The following ERI2 variants were observed in gnomAD, a reference collection of about 807,000 sequenced individuals.
ERI2 encodes ERI1 exoribonuclease 2.
In ERI2, 35 loss-of-function variants were observed where a neutral mutation model predicts 46.8. The ratio of observed to expected loss-of-function variants is 0.75; its 90% CI spans 0.57 to 0.99. ERI2 has a LOEUF of 0.99. Ranked by LOEUF, ERI2 falls within the 50% of genes least tolerant of loss-of-function variation. ERI2 has a pLI of 0.00. For synonymous variants in ERI2, 224 were observed against 271.0 expected, an observed-to-expected ratio of 0.83 and a Z score of 1.70; for missense variants, 695 against 796.2, an observed-to-expected ratio of 0.87 and a Z score of 1.53.
intron 4 of ERI2, 89 bp from the exon 5 acceptor site, chr16:20,801,448 T>C: frequency 1.5e-6 from 2 of 1,370,580 alleles, no homozygotes; most frequent in South Asian, 1.7e-5. Flanking sequence ...GATTAATGGT[T>C]TTAAAAGAAT....
intron 10 of ERI2, among the ~76,000 whole-genome samples, chr16:20,787,877 C>G (rs2080508102): frequency 6.6e-6 from 1 of 152,170 alleles, no homozygotes; most frequent in African/African-American, 2.4e-5. Flanking sequence ...GGTTTTAGCA[C>G]TTAAGGCAAT....
chr16:20,800,509 A>G, intron 5 of ERI2, 107 bp from the exon 6 acceptor site: 1 of 605,442 alleles, frequency 1.7e-6, no homozygotes. Flanking sequence ...AAAATAGAAC[A>G]GTATGATTTC....
intron 10 of ERI2, among the ~76,000 whole-genome samples, chr16:20,781,969 C>A (rs547166655): frequency 6.6e-6 from 1 of 152,234 alleles, no homozygotes; most frequent in East Asian, 1.9e-4. Context: ...GTGACCAGGG[C>A]AAGATCCCCC....
chr16:20,804,574 G>A (rs2080831804), intron 1 of ERI2, among the ~76,000 whole-genome samples: 1 of 152,156 alleles, frequency 6.6e-6, no homozygotes, highest in African/African-American at 2.4e-5. Flanking sequence ...GCTAAGGTGG[G>A]AGGATTGCTT....
chr16:20,787,506 G>GC (rs1386636357), intron 10 of ERI2, among the ~76,000 whole-genome samples: 1 of 152,116 alleles, frequency 6.6e-6, no homozygotes, highest in Non-Finnish European at 1.5e-5. Flanking sequence ...TAATTCTCAG[G>GC]CCCCTGGAGA....
At position 20,803,447 on chromosome 16, in the gene ERI2, T is replaced by C. The variant is rs757371286; in HGVS notation, c.161A>G (p.His54Arg). The change falls in exon 3 of 9, where the codon CAT becomes CGT. Residue 54 changes from histidine to arginine, a missense_variant. Coordinates refer to ENST00000357967, the MANE Select transcript of ERI2 (RefSeq NM_001142725.2). ...CCCAGACTTACTTATTTCCTGGCTA[T>C]GGTGGTGCTTCCCATCATTCCAGCA... ...STCWNDGKHHHSQEIIEFPAV... is the reference protein window; with the variant it reads ...STCWNDGKHHRSQEIIEFPAV... 1.2e-6 allele frequency: 2 copies of C among 1,614,004 alleles called. No individual in the cohort carries two copies. The highest frequency in any genetic ancestry group is 1.7e-6 in the Non-Finnish European group (2 of 1,179,868).
intron 1 of ERI2, chr16:20,805,983 A>AG (rs2152496852): frequency 3.8e-6 from 4 of 1,060,108 alleles, no homozygotes; most frequent in Non-Finnish European, 4.5e-6. Context: ...AATAAATTAA[A>AG]TTTAAGTTTA....
downstream of ERI2, chr16:20,796,293 C>A: frequency 6.4e-7 from 1 of 1,556,760 alleles, no homozygotes. Context: ...TGTAGATTCT[C>A]AGAGCAAGCA....
chr16:20,786,432 AC>A, intron 10 of ERI2: 2 of 546,032 alleles, frequency 3.7e-6, no homozygotes, highest in Non-Finnish European at 5.4e-6. Context: ...TGTAATCCCA[AC>A]ACTTTGGGAG....
At chr16:20,785,745 A>C (rs1311309738) in intron 10 of ERI2, among the ~76,000 whole-genome samples, 1 of 152,180 alleles carries the variant, frequency 6.6e-6, no homozygotes, top group Non-Finnish European at 1.5e-5. Context: ...AGAATGTATC[A>C]CCTGGTAAAA....
intron 6 of ERI2, 123 bp downstream of exon 6, chr16:20,800,179 G>T: frequency 1.2e-6 from 1 of 829,878 alleles, no homozygotes; most frequent in Non-Finnish European, 1.9e-6. Flanking sequence ...TTTAAGAAAT[G>T]CATTTATGTG....
intron 6 of ERI2, 108 bp downstream of exon 6, chr16:20,800,194 G>A: frequency 2.3e-6 from 2 of 872,822 alleles, no homozygotes; most frequent in South Asian, 1.7e-5. Context: ...TATGTGACCA[G>A]TACAAAAGAA....
rs996419255 is a variant in ERI2, at chr16:20,805,983, ATTTAAG to A, written c.23+419_23+424del. The A allele has an allele frequency of 2.6e-4, 277 of 1,060,106 alleles. No individual in the cohort carries two copies. The Admixed American group carries it at 3.8e-3, about 14-fold the overall frequency. The allele number at this position is 1,060,106 out of a possible 1,614,324, so 65.7% of individuals were successfully genotyped here. A position where few individuals can be genotyped will look rare whatever the true frequency, so the allele number is the denominator to read the frequency against. The stretch of plus-strand genomic sequence containing the variant: ...AAAATGGCCTTACTAAATAAATTAA[ATTTAAG>A]TTTAAGTTCTATTTCTTTACAGCAC... On this transcript the variant is annotated intron_variant, in intron 1 of 8. Transcript: ENST00000357967.
intron 1 of ERI2, among the ~76,000 whole-genome samples, chr16:20,804,496 C>A (rs1158597532): frequency 6.6e-6 from 1 of 151,902 alleles, no homozygotes; most frequent in African/African-American, 2.4e-5. Context: ...GAAACCCCGT[C>A]TCTACAAAAA....
rs1467952079 is a variant in ERI2, at chr16:20,803,659, A to T, written c.35T>A (p.Leu12Ter). The T allele has an allele frequency of 4.3e-6, 7 of 1,613,852 alleles. No homozygotes were observed. Among genetic ancestry groups the T allele is most frequent in the Non-Finnish European group, 5.9e-6 (7 of 1,179,982 alleles). ...ATKRLARQLG[L>*]IRRKSIAPAN... ...TGGCGCAATTGACTTTCTCCTAATT[A>T]ATCCAAGCTGCCTAAAAATGTGAAG... The change falls in exon 2 of 9, where the codon TTA (leucine) becomes TAA (stop). Residue 12 changes from leucine (L) to a stop codon, truncating the protein, a stop_gained. Transcript: ENST00000357967. LOFTEE classifies it high-confidence loss of function.
At chr16:20,781,677 A>C (rs2080356035) in intron 10 of ERI2, 1 of 1,534,718 alleles carries the variant, frequency 6.5e-7, no homozygotes. Flanking sequence ...AGTTGTAGTA[A>C]GACCAAGAGT....
chr16:20,786,588 T>C (rs545610184), intron 10 of ERI2, among the ~76,000 whole-genome samples: 90 of 152,234 alleles, frequency 5.9e-4, no homozygotes, highest in African/African-American at 2.1e-3. Context: ...AAGGCTGAGA[T>C]GGGAGGATTG....
intron 10 of ERI2, chr16:20,783,127 G>A (rs981229201): frequency 6.6e-6 from 1 of 152,146 alleles, no homozygotes; most frequent in African/African-American, 2.4e-5. Flanking sequence ...CCCTATACGG[G>A]AGCCCCATTG....
chr16:20,780,479 G>T, exon 11 of ERI2: 1 of 749,398 alleles, frequency 1.3e-6, no homozygotes, highest in Non-Finnish European at 2.1e-6. Flanking sequence ...AGAATAAAAA[G>T]CTAGGAAAGC....
Sources: allele counts gnomAD v4.1 joint callset (sites outside exome capture counted in the v4.1 genomes callset), GRCh38; gene constraint gnomAD v4.1.1; transcripts MANE v1.5; gene names NCBI Gene and HGNC (gene_info 2026-07-23, HGNC 2026-07-21).